GPC6: variants seen among roughly 807,000 people sequenced by gnomAD.
GPC6 encodes the protein glypican-6.
Under a neutral mutation model 55.2 loss-of-function variants are expected in GPC6, and 14 were observed. The observed-to-expected ratio is 0.25, with a 90% CI of 0.17 to 0.40. GPC6 has a LOEUF of 0.40. Ranked by LOEUF, GPC6 falls within the 10% of genes least tolerant of loss-of-function variation. GPC6 has a pLI of 1.00. For synonymous variants in GPC6, 278 were observed against 259.6 expected, an observed-to-expected ratio of 1.07 and a Z score of -0.68; for missense variants, 641 against 708.5, an observed-to-expected ratio of 0.90 and a Z score of 1.08.
rs1440436939 is a variant in GPC6, at chr13:93,517,064, AT to A, written c.161-28194del. 7.4e-5 allele frequency among the ~76,000 whole-genome samples: 8 copies of A among 108,420 alleles called. 1 individual carries two copies. The South Asian group carries it at 1.6e-3, about 22-fold the overall frequency. The allele number at this position is 108,420 out of a possible 152,430, so 71.1% of individuals were successfully genotyped here. On this transcript the variant is annotated intron_variant, in intron 1 of 8. Coordinates refer to ENST00000377047, the MANE Select transcript of GPC6 (RefSeq NM_005708.5). ...GAAAATTATTTTGAACTCACTTGTT[AT>A]TTTTAGATGCATTCATAGACAAAGA... is the stretch of plus-strand genomic sequence containing the variant.
At position 93,740,707 on chromosome 13, in the gene GPC6, G is replaced by T. The variant is rs148536762; in HGVS notation, c.320-89447G>T. Among the ~76,000 whole-genome samples, 120 of 152,290 alleles carry T rather than the reference G, an allele frequency of 7.9e-4. 2 individuals carry two copies. In the East Asian group the frequency reaches 0.021, roughly 26 times the overall value. ...CAGCTTGTGGCAGTTCAGCTTGCAA[G>T]ATACATTAGATGAATTTAATGCTAA... On this transcript the variant is annotated intron_variant, in intron 2 of 8. Coordinates refer to ENST00000377047, the MANE Select transcript of GPC6 (RefSeq NM_005708.5).
At chr13:94,158,946 C>T (rs1382442861) in intron 4 of GPC6, among the ~76,000 whole-genome samples, 1 of 152,150 alleles carries the variant, frequency 6.6e-6, no homozygotes, top group Admixed American at 6.6e-5. Flanking sequence ...ATTCACCCTA[C>T]TCTGTTCCAT....
At chr13:93,708,472 A>T (rs1189985329) in intron 2 of GPC6, among the ~76,000 whole-genome samples, 1 of 151,710 alleles carries the variant, frequency 6.6e-6, no homozygotes, top group Non-Finnish European at 1.5e-5. Context: ...GTGTTTAGAG[A>T]TATCTTTCAG....
At chr13:93,985,746 G>A (rs1381547673) in intron 3 of GPC6, among the ~76,000 whole-genome samples, 3 of 146,896 alleles carry the variant, frequency 2.0e-5, no homozygotes, top group African/African-American at 7.5e-5. Context: ...ACCTTTAAAT[G>A]CACTTCCCAG....
At chr13:93,565,944 A>T (rs1876084839) in intron 2 of GPC6, among the ~76,000 whole-genome samples, 1 of 151,470 alleles carries the variant, frequency 6.6e-6, no homozygotes, top group African/African-American at 2.4e-5. Flanking sequence ...CAAAAAAAAA[A>T]AAGAAAAAAA....
chr13:93,938,018 C>A (rs1200669848), intron 3 of GPC6, among the ~76,000 whole-genome samples: 1 of 152,120 alleles, frequency 6.6e-6, no homozygotes, highest in Non-Finnish European at 1.5e-5. Context: ...TTATAATACC[C>A]TTAATTAGTT....
At chr13:93,497,675 G>T (rs965430349) in intron 1 of GPC6, among the ~76,000 whole-genome samples, 5 of 152,304 alleles carry the variant, frequency 3.3e-5, no homozygotes, top group African/African-American at 9.6e-5. Context: ...AACGTATCAG[G>T]TCTTTAAATT....
intron 3 of GPC6, among the ~76,000 whole-genome samples, chr13:93,880,300 G>T (rs549619201): frequency 6.6e-6 from 1 of 152,054 alleles, no homozygotes; most frequent in Non-Finnish European, 1.5e-5. Context: ...CAATAGCAAA[G>T]ACTTGGAACC....
chr13:94,302,835 A>G (rs910596021), intron 5 of GPC6, among the ~76,000 whole-genome samples: 9 of 152,174 alleles, frequency 5.9e-5, no homozygotes, highest in African/African-American at 1.9e-4. Context: ...AAGGAATGGA[A>G]TCTTGGGCCA....
chr13:94,183,935 G>A (rs1230152003), intron 4 of GPC6, among the ~76,000 whole-genome samples: 4 of 152,134 alleles, frequency 2.6e-5, no homozygotes, highest in Non-Finnish European at 5.9e-5. Context: ...AAGAAACCCA[G>A]AAATAAAGCA....
intron 1 of GPC6, among the ~76,000 whole-genome samples, chr13:93,519,891 T>C (rs1262410680): frequency 6.6e-6 from 1 of 152,040 alleles, no homozygotes; most frequent in Non-Finnish European, 1.5e-5. Flanking sequence ...TGGTTTTTTA[T>C]AAAAACTGAA....
intron 6 of GPC6, among the ~76,000 whole-genome samples, chr13:94,313,997 A>G (rs932366631): frequency 3.9e-5 from 6 of 152,224 alleles, no homozygotes; most frequent in Non-Finnish European, 8.8e-5. Context: ...CAATCTATCA[A>G]TAAATTATTG....
chr13:93,919,812 C>G (rs1877479717), intron 3 of GPC6, among the ~76,000 whole-genome samples: 2 of 152,112 alleles, frequency 1.3e-5, no homozygotes, highest in Non-Finnish European at 2.9e-5. Context: ...TGACCACAGG[C>G]CAGGAATAAA....
intron 3 of GPC6, among the ~76,000 whole-genome samples, chr13:93,995,348 C>T (rs1363929129): frequency 6.6e-6 from 1 of 151,878 alleles, no homozygotes; most frequent in Non-Finnish European, 1.5e-5. Flanking sequence ...CCACCACACC[C>T]AGGTAATTTT....
At chr13:93,703,844 A>T (rs1882756223) in intron 2 of GPC6, among the ~76,000 whole-genome samples, 1 of 151,966 alleles carries the variant, frequency 6.6e-6, no homozygotes, top group South Asian at 2.1e-4. Flanking sequence ...CAACTGTTTA[A>T]TATCAAACAG....
intron 2 of GPC6, among the ~76,000 whole-genome samples, chr13:93,759,599 G>A (rs566339762): frequency 6.6e-6 from 1 of 152,202 alleles, no homozygotes; most frequent in East Asian, 1.9e-4. Context: ...TAGTAAGTAT[G>A]GCCTTGATCT....
chr13:94,116,408 A>G (rs1230559528), intron 4 of GPC6, among the ~76,000 whole-genome samples: 1 of 152,076 alleles, frequency 6.6e-6, no homozygotes, highest in Admixed American at 6.6e-5. Context: ...AAGGTGCACA[A>G]AGGGTTGGAA....
At chr13:93,842,828 C>T (rs1888001700) in intron 3 of GPC6, among the ~76,000 whole-genome samples, 1 of 151,950 alleles carries the variant, frequency 6.6e-6, no homozygotes, top group Non-Finnish European at 1.5e-5. Context: ...TAAGTATCTT[C>T]ATATATTTTT....
At chr13:93,829,434 C>T in intron 2 of GPC6, among the ~76,000 whole-genome samples, 1 of 152,140 alleles carries the variant, frequency 6.6e-6, no homozygotes, top group East Asian at 1.9e-4. Context: ...TATTGGTGTG[C>T]ACTTTTTCAT....
Sources: gnomAD v4.1 joint callset for allele counts (sites outside exome capture counted in the v4.1 genomes callset) on GRCh38, gnomAD v4.1.1 for gene constraint, MANE v1.5 for transcripts, NCBI Gene and HGNC (gene_info 2026-07-23, HGNC 2026-07-21) for gene names.